The following PPP1R13B variants were observed in gnomAD, a reference collection of about 807,000 sequenced individuals.
PPP1R13B encodes apoptosis-stimulating of p53 protein 1.
PPP1R13B carries 44 observed loss-of-function variants against 119.8 expected under a neutral mutation model. That is an observed-to-expected ratio of 0.37 (90% confidence interval 0.29 to 0.47). The LOEUF (loss-of-function observed/expected upper bound fraction) is 0.47, where lower values mean the gene tolerates loss of function less well. PPP1R13B is among the 20% of genes least tolerant of loss of function. PPP1R13B has a pLI of 0.99. For missense variants in PPP1R13B, 1,227 were observed against 1,413.5 expected, an observed-to-expected ratio of 0.87 and a Z score of 2.12; for synonymous variants, 542 against 561.5, an observed-to-expected ratio of 0.97 and a Z score of 0.49.
chr14:103,822,063 A>G (rs1456266829), intron 1 of PPP1R13B, among the ~76,000 whole-genome samples: 1 of 152,218 alleles, frequency 6.6e-6, no homozygotes, highest in Admixed American at 6.5e-5. Flanking sequence ...TGGAAACCCA[A>G]TACAAATCAT....
chr14:103,783,733 TAG>T (rs772907286), intron 3 of PPP1R13B, among the ~76,000 whole-genome samples: 22 of 151,220 alleles, frequency 1.5e-4, no homozygotes, highest in Admixed American at 4.6e-4. Context: ...GTATTTTCTG[TAG>T]AGATGGGGTT....
intron 1 of PPP1R13B, among the ~76,000 whole-genome samples, chr14:103,838,543 G>T (rs1292553054): frequency 6.6e-6 from 1 of 152,118 alleles, no homozygotes; most frequent in Non-Finnish European, 1.5e-5. Flanking sequence ...TGCATATACT[G>T]AAAACCAATG....
chr14:103,772,472 T>C (rs925506993), intron 4 of PPP1R13B, among the ~76,000 whole-genome samples: 1 of 152,182 alleles, frequency 6.6e-6, no homozygotes, highest in African/African-American at 2.4e-5. Flanking sequence ...GAGTTCCAAT[T>C]TCTCCCTTTC....
At chr14:103,774,091 T>C (rs2085127545) in intron 4 of PPP1R13B, among the ~76,000 whole-genome samples, 2 of 152,306 alleles carry the variant, frequency 1.3e-5, no homozygotes, top group African/African-American at 4.8e-5. Context: ...GATATTTACA[T>C]GGAAAAGAAT....
intron 1 of PPP1R13B, among the ~76,000 whole-genome samples, chr14:103,820,579 C>T (rs2086384194): frequency 6.6e-6 from 1 of 151,466 alleles, no homozygotes; most frequent in African/African-American, 2.4e-5. Flanking sequence ...CCCTCAACTT[C>T]CTAGGCTCAA....
intron 1 of PPP1R13B, among the ~76,000 whole-genome samples, chr14:103,822,345 G>A (rs1426671272): frequency 6.6e-6 from 1 of 152,068 alleles, no homozygotes; most frequent in Non-Finnish European, 1.5e-5. Context: ...GTGTTGACCA[G>A]GCTGGTGTCC....
At chr14:103,799,034 C>A (rs1050092627) in intron 1 of PPP1R13B, among the ~76,000 whole-genome samples, 20 of 152,096 alleles carry the variant, frequency 1.3e-4, no homozygotes. Flanking sequence ...GAGTCCCACT[C>A]TGTCGCCCAG....
intron 1 of PPP1R13B, among the ~76,000 whole-genome samples, chr14:103,837,085 C>T (rs2086795946): frequency 6.6e-6 from 1 of 152,168 alleles, no homozygotes. Flanking sequence ...AAAAAGTGTA[C>T]ATATAAACTC....
At chr14:103,800,839 C>T (rs796373407) in intron 1 of PPP1R13B, among the ~76,000 whole-genome samples, 112 of 151,940 alleles carry the variant, frequency 7.4e-4, no homozygotes, top group African/African-American at 2.6e-3. Flanking sequence ...TCACCGTTAC[C>T]ATTTCATTTT....
intron 2 of PPP1R13B, among the ~76,000 whole-genome samples, chr14:103,786,871 C>T (rs1380083513): frequency 1.3e-5 from 2 of 150,110 alleles, no homozygotes; most frequent in South Asian, 2.1e-4. Flanking sequence ...ACACACCTGG[C>T]TAATTTTTGT....
chr14:103,818,858 G>A (rs186939923), intron 1 of PPP1R13B, among the ~76,000 whole-genome samples: 2 of 152,076 alleles, frequency 1.3e-5, no homozygotes, highest in East Asian at 3.9e-4. Context: ...TAAATAAATA[G>A]GCAAAAAATA....
rs1248427486 is a variant in PPP1R13B at position 103,740,597 on chromosome 14, G to A, written c.1823-4C>T. On this transcript the variant is annotated splice_polypyrimidine_tract_variant and splice_region_variant and intron_variant, in intron 11 of 16. Coordinates refer to ENST00000202556, the MANE Select transcript of PPP1R13B (RefSeq NM_015316.3). The surrounding 1 kb of genome is among the most constrained non-coding windows in gnomAD (Gnocchi z 4.6). ...GGTAAAACGGGCTTACCATACACTG[G>A]GGAAGACACAAAGGACAGGCAATTT... The A allele has an allele frequency of 6.6e-7, 1 of 1,506,778 alleles. No individual in the cohort carries two copies. The highest frequency in any genetic ancestry group is 1.4e-5 in the African/African-American group (1 of 72,132). 93.3% of individuals were successfully genotyped at this position (1,506,778 alleles called of 1,614,324 possible).
intron 2 of PPP1R13B, among the ~76,000 whole-genome samples, chr14:103,789,366 G>T (rs1294800443): frequency 6.6e-6 from 1 of 151,962 alleles, no homozygotes; most frequent in Admixed American, 6.6e-5. Flanking sequence ...TTACAGGCAT[G>T]CGCCACCACA....
chr14:103,817,542 T>C (rs901681797), intron 1 of PPP1R13B, among the ~76,000 whole-genome samples: 1 of 152,214 alleles, frequency 6.6e-6, no homozygotes, highest in Non-Finnish European at 1.5e-5. Context: ...TATTTGCTTG[T>C]TCAAAGTAGG....
chr14:103,832,600 C>T (rs961997863), intron 1 of PPP1R13B, among the ~76,000 whole-genome samples: 17 of 152,234 alleles, frequency 1.1e-4, no homozygotes, highest in Non-Finnish European at 2.4e-4. Flanking sequence ...AGGGACTACT[C>T]TCTTCAACTC....
Position 103,752,997 on chromosome 14 carries a change from T to C in PPP1R13B, c.828+3A>G. Reference sequence around the variant, plus strand: ...TACAACCATTGCCAGACCCAGGAGTTACCTGTAGTTCTTGGTACAGTCTTT... The same window carrying C: ...TACAACCATTGCCAGACCCAGGAGTCACCTGTAGTTCTTGGTACAGTCTTT... On this transcript the variant is annotated splice_donor_region_variant and intron_variant, in intron 7 of 16. Transcript: ENST00000202556. 6.2e-7 allele frequency: 1 copy of C among 1,613,106 alleles called. No individual in the cohort carries two copies. The highest frequency in any genetic ancestry group is 8.5e-7 in the Non-Finnish European group (1 of 1,179,340).
intron 4 of PPP1R13B, among the ~76,000 whole-genome samples, chr14:103,771,794 A>G (rs974451652): frequency 2.0e-5 from 3 of 152,188 alleles, no homozygotes; most frequent in African/African-American, 7.2e-5. Context: ...AACTTCTAGA[A>G]GTGAAAATTT....
chr14:103,837,437 A>G (rs185555021), intron 1 of PPP1R13B, among the ~76,000 whole-genome samples: 57 of 152,236 alleles, frequency 3.7e-4, no homozygotes, highest in African/African-American at 1.3e-3. Flanking sequence ...AGTATTTTCT[A>G]TCTTAAAGGA....
At chr14:103,748,713 G>T (rs1348080164) in intron 8 of PPP1R13B, among the ~76,000 whole-genome samples, 1 of 152,206 alleles carries the variant, frequency 6.6e-6, no homozygotes, top group Non-Finnish European at 1.5e-5. Flanking sequence ...CCTCCATGCA[G>T]GCGGCTCAGT....
Sources: gnomAD v4.1 joint callset for allele counts (sites outside exome capture counted in the v4.1 genomes callset) on GRCh38, gnomAD v4.1.1 for gene constraint, Gnocchi (gnomAD v3.1) non-coding constraint, MANE v1.5 for transcripts, NCBI Gene and HGNC (gene_info 2026-07-23, HGNC 2026-07-21) for gene names.